The following ANKRD26 variants were observed in gnomAD, a reference collection of about 807,000 sequenced individuals.
ANKRD26 encodes ankyrin repeat domain-containing protein 26.
ANKRD26 carries 141 observed loss-of-function variants against 208.7 expected under a neutral mutation model. The observed-to-expected ratio is 0.68, with a 90% confidence interval of 0.59 to 0.78. ANKRD26 has a LOEUF of 0.78. ANKRD26 is among the 30% of genes least tolerant of loss of function. The pLI is 0.00. For synonymous variants in ANKRD26, 636 were observed against 660.4 expected, an observed-to-expected ratio of 0.96 and a Z score of 0.57; for missense variants, 1,889 against 1,938.7, an observed-to-expected ratio of 0.97 and a Z score of 0.48.
the ANKRD26 span, among the ~76,000 whole-genome samples, chr10:26,957,937 T>C: frequency 6.6e-6 from 1 of 152,120 alleles, no homozygotes; most frequent in Non-Finnish European, 1.5e-5. Context: ...GGGTCACCTG[T>C]GACAAACTTG....
rs182836835 is a variant in ANKRD26, at chr10:27,032,602, C to T, written c.3807+623G>A. ...AGTGAGCCAAAATTATGCCACTGCA[C>T]GCCAGCCTGGGCTACAGAGCGAGAC... On this transcript the variant is annotated intron_variant, in intron 25 of 33. Transcript: ENST00000376087. Among the ~76,000 whole-genome samples the T allele has an allele frequency of 1.9e-4, 28 of 151,170 alleles. No homozygotes were observed. The South Asian group carries it at 2.5e-3, about 14-fold the overall frequency.
At chr10:27,012,841 A>T in intron 32 of ANKRD26, 41 bp downstream of exon 32, 1 of 1,564,842 alleles carries the variant, frequency 6.4e-7, no homozygotes, top group South Asian at 1.1e-5. Flanking sequence ...GAATTACATG[A>T]GAAATTTGAA....
intron 27 of ANKRD26, among the ~76,000 whole-genome samples, chr10:27,025,407 C>T (rs1465576196): frequency 1.3e-5 from 2 of 152,010 alleles, no homozygotes; most frequent in East Asian, 1.9e-4. Context: ...TAGTCTGAAG[C>T]GATTCTCCTG....
chr10:26,951,019 C>CTTTTTTTTTTTTTTTTTTTT, the ANKRD26 span, among the ~76,000 whole-genome samples: 14 of 48,594 alleles, frequency 2.9e-4, 1 homozygote, highest in East Asian at 1.3e-3. Context: ...TTTTCTTTTT[C>CTTTTTTTTTTTTTTTTTTTT]TTTTTTTTTT....
the ANKRD26 span, among the ~76,000 whole-genome samples, chr10:26,948,551 G>C: frequency 6.6e-6 from 1 of 152,028 alleles, no homozygotes; most frequent in Non-Finnish European, 1.5e-5. Context: ...GATTATATAC[G>C]TGAATATTTT....
chr10:26,971,100 C>A (rs1471773133), downstream of ANKRD26, among the ~76,000 whole-genome samples: 3 of 152,314 alleles, frequency 2.0e-5, no homozygotes, highest in African/African-American at 7.2e-5. Flanking sequence ...TAAAGAATTT[C>A]ACTGGCTGGG....
intron 6 of ANKRD26, 69 bp downstream of exon 6, chr10:27,082,734 T>C (rs1403289458): frequency 2.2e-5 from 34 of 1,519,824 alleles, no homozygotes; most frequent in Non-Finnish European, 2.9e-5. Flanking sequence ...CTACCCAGAG[T>C]AGGGCACTCA....
chr10:27,098,155 T>C (rs940317788), intron 1 of ANKRD26, among the ~76,000 whole-genome samples: 11 of 152,114 alleles, frequency 7.2e-5, no homozygotes, highest in Non-Finnish European at 1.2e-4. Context: ...TAATTTTTGG[T>C]GGCAAGAACA....
At chr10:26,992,632 C>A (rs1025116705) in intron 5 of ANKRD26, among the ~76,000 whole-genome samples, 11 of 152,084 alleles carry the variant, frequency 7.2e-5, no homozygotes, top group Admixed American at 6.6e-4. Flanking sequence ...TTACTCTAGC[C>A]TTTTTGGTTG....
intron 29 of ANKRD26, among the ~76,000 whole-genome samples, chr10:27,019,146 G>A (rs1294538223): frequency 1.3e-5 from 2 of 152,188 alleles, no homozygotes; most frequent in African/African-American, 4.8e-5. Flanking sequence ...CAGGCATGGT[G>A]GTGGGCACCT....
Position 27,064,033 on chromosome 10 carries a change from C to A in ANKRD26, c.1318G>T (p.Ala440Ser). Residue 440 changes from alanine (A) to serine (S), a missense_variant, in exon 12 of 34, where the codon GCT becomes TCT. This residue lies in a region of ANKRD26 where 1,272 missense variants were observed against 1,273.8 expected (regional missense o/e 1.00). Coordinates refer to ENST00000376087, the MANE Select transcript of ANKRD26 (RefSeq NM_014915.3). The stretch of plus-strand genomic sequence containing the variant: ...ATATTTTTTTCTTTTCCGTCTGCAG[C>A]CCCAGCTAAAGGATCAACATACTTC... The part of the protein sequence containing the change: ...PQKYVDPLAG[A>S]ADGKEKNIGN... 1 of 1,611,392 alleles carries A rather than the reference C, an allele frequency of 6.2e-7. No individual in the cohort carries two copies. Among genetic ancestry groups the A allele is most frequent in the Non-Finnish European group, 8.5e-7 (1 of 1,179,670 alleles).
At chr10:26,975,402 C>CTTTTTTTTTTTTTTTTTTTTTT (rs60226106) in exon 6 of ANKRD26, among the ~76,000 whole-genome samples, 4 of 90,484 alleles carry the variant, frequency 4.4e-5, no homozygotes, top group African/African-American at 9.3e-5. Context: ...CTAATTTTTG[C>CTTTTTTTTTTTTTTTTTTTTTT]TTTTTTTTTT....
At chr10:27,014,442 AG>A in intron 31 of ANKRD26, 51 bp downstream of exon 31, 1 of 1,349,214 alleles carries the variant, frequency 7.4e-7, no homozygotes, top group South Asian at 1.3e-5. Flanking sequence ...TATGCTTTCA[AG>A]GCAAATTAAT....
chr10:27,020,880 C>T (rs1166180598), intron 29 of ANKRD26, among the ~76,000 whole-genome samples: 5 of 151,936 alleles, frequency 3.3e-5, no homozygotes, highest in Non-Finnish European at 7.4e-5. Flanking sequence ...AGGCTGGTCT[C>T]GGAACTCCTG....
At chr10:26,958,305 C>T in the ANKRD26 span, among the ~76,000 whole-genome samples, 6 of 151,976 alleles carry the variant, frequency 3.9e-5, no homozygotes, top group Non-Finnish European at 7.4e-5. Flanking sequence ...AGCCTGGTTT[C>T]GAACTCCTGA....
chr10:27,013,901 G>A (rs986197376), intron 31 of ANKRD26, among the ~76,000 whole-genome samples: 1 of 152,142 alleles, frequency 6.6e-6, no homozygotes, highest in Admixed American at 6.5e-5. Context: ...GGCTGACCAA[G>A]GTGTTATTTT....
At chr10:26,966,423 T>C in the ANKRD26 span, among the ~76,000 whole-genome samples, 2 of 151,512 alleles carry the variant, frequency 1.3e-5, no homozygotes, top group Non-Finnish European at 2.9e-5. Flanking sequence ...TAAGTGGGAG[T>C]TGAACATTGA....
exon 5 of ANKRD26, among the ~76,000 whole-genome samples, chr10:26,980,699 T>C (rs1466816692): frequency 2.0e-5 from 3 of 151,680 alleles, no homozygotes; most frequent in Admixed American, 6.6e-5. Flanking sequence ...GGAGACGGAG[T>C]TGTAGAAGTA....
At chr10:27,032,041 A>T (rs1211078501) in intron 25 of ANKRD26, among the ~76,000 whole-genome samples, 1 of 152,216 alleles carries the variant, frequency 6.6e-6, no homozygotes, top group Non-Finnish European at 1.5e-5. Context: ...CTCTAACTTA[A>T]TCTGGCTTGC....
Sources: allele counts gnomAD v4.1 joint callset (sites outside exome capture counted in the v4.1 genomes callset), GRCh38; gene constraint gnomAD v4.1.1; regional missense constraint gnomAD v4.1.1; transcripts MANE v1.5; gene names NCBI Gene and HGNC (gene_info 2026-07-23, HGNC 2026-07-21).